Variants in ARB2A observed in about 807,000 individuals in gnomAD.
The protein encoded by ARB2A is cotranscriptional regulator ARB2A.
At chr5:93,657,526 G>A in the ARB2A span, among the ~76,000 whole-genome samples, 3 of 152,158 alleles carry the variant, frequency 2.0e-5, no homozygotes, top group Admixed American at 6.5e-5. Context: ...GTACAATGCT[G>A]TCCTGAAGAA....
the ARB2A span, among the ~76,000 whole-genome samples, chr5:94,075,979 G>T: frequency 6.6e-6 from 1 of 152,098 alleles, no homozygotes. Flanking sequence ...AAATGGAAAT[G>T]ATAATCATGT....
At chr5:93,852,826 G>A in the ARB2A span, among the ~76,000 whole-genome samples, 1 of 152,028 alleles carries the variant, frequency 6.6e-6, no homozygotes, top group African/African-American at 2.4e-5. Flanking sequence ...CTCTGTTTTG[G>A]TACCAGTACC....
chr5:94,110,091 C>T, the ARB2A span, among the ~76,000 whole-genome samples: 1 of 152,084 alleles, frequency 6.6e-6, no homozygotes, highest in Non-Finnish European at 1.5e-5. Flanking sequence ...CACCGTGTTG[C>T]CCAGGCTGGT....
At chr5:94,034,089 T>C in the ARB2A span, among the ~76,000 whole-genome samples, 1 of 152,220 alleles carries the variant, frequency 6.6e-6, no homozygotes, top group South Asian at 2.1e-4. Context: ...CAGATGCCAG[T>C]GTTATGCTTC....
At chr5:93,904,954 C>T in the ARB2A span, among the ~76,000 whole-genome samples, 119 of 151,652 alleles carry the variant, frequency 7.8e-4, no homozygotes, top group African/African-American at 2.8e-3. Flanking sequence ...GCAAATATAC[C>T]AGGTAAGATA....
the ARB2A span, among the ~76,000 whole-genome samples, chr5:93,846,888 G>A: frequency 2.0e-5 from 3 of 152,024 alleles, no homozygotes; most frequent in African/African-American, 4.8e-5. Context: ...ATAAGACAAC[G>A]ATATTTGCCT....
the ARB2A span, among the ~76,000 whole-genome samples, chr5:94,057,644 T>C: frequency 6.6e-5 from 10 of 152,250 alleles, no homozygotes; most frequent in Non-Finnish European, 1.5e-4. Flanking sequence ...ATTGGAATTC[T>C]ACTTCTGGCC....
chr5:93,819,224 T>C, the ARB2A span, among the ~76,000 whole-genome samples: 4 of 151,926 alleles, frequency 2.6e-5, no homozygotes, highest in South Asian at 8.3e-4. Flanking sequence ...CTCTATATGT[T>C]AGTCAACTAA....
chr5:93,985,250 C>A, the ARB2A span, among the ~76,000 whole-genome samples: 1 of 152,126 alleles, frequency 6.6e-6, no homozygotes, highest in African/African-American at 2.4e-5. Flanking sequence ...TGTCTTCATT[C>A]TTTTTTACTA....
the ARB2A span, among the ~76,000 whole-genome samples, chr5:93,718,541 T>A: frequency 6.6e-6 from 1 of 152,158 alleles, no homozygotes; most frequent in Non-Finnish European, 1.5e-5. Context: ...ATACAAATCA[T>A]AATGTAATGT....
the ARB2A span, among the ~76,000 whole-genome samples, chr5:93,932,945 A>G: frequency 6.6e-6 from 1 of 152,238 alleles, no homozygotes; most frequent in Non-Finnish European, 1.5e-5. Context: ...GAACTTAAAC[A>G]AATTTACAAG....
the ARB2A span, among the ~76,000 whole-genome samples, chr5:94,104,019 G>GA: frequency 1.3e-5 from 2 of 150,438 alleles, no homozygotes; most frequent in Non-Finnish European, 3.0e-5. Context: ...GTCTTCAAAG[G>GA]AAAGTATATA....
At chr5:94,045,509 T>C in the ARB2A span, among the ~76,000 whole-genome samples, 2 of 152,198 alleles carry the variant, frequency 1.3e-5, no homozygotes, top group Non-Finnish European at 2.9e-5. Flanking sequence ...ATGAAACTTC[T>C]AGCTCTTAAA....
At chr5:93,708,977 T>C in the ARB2A span, among the ~76,000 whole-genome samples, 1 of 152,094 alleles carries the variant, frequency 6.6e-6, no homozygotes, top group Non-Finnish European at 1.5e-5. Context: ...AACTACTGTA[T>C]TATATATTTG....
chr5:93,747,454 T>C, the ARB2A span, among the ~76,000 whole-genome samples: 1 of 152,012 alleles, frequency 6.6e-6, no homozygotes, highest in Non-Finnish European at 1.5e-5. Flanking sequence ...GCAATGACCA[T>C]GGAAAATTCA....
chr5:93,760,580 A>C, the ARB2A span, among the ~76,000 whole-genome samples: 34 of 152,184 alleles, frequency 2.2e-4, 1 homozygote, highest in African/African-American at 8.0e-4. Context: ...CAGAATAGAG[A>C]ACACAGAAAT....
At chr5:94,107,125 T>C in the ARB2A span, among the ~76,000 whole-genome samples, 13,965 of 152,152 alleles carry the variant, frequency 0.092, 790 homozygotes, top group Middle Eastern at 0.16. Flanking sequence ...AATTTCCAAG[T>C]AAAACATAAA....
At chr5:94,110,173 C>CCGCG in the ARB2A span, among the ~76,000 whole-genome samples, 1 of 152,198 alleles carries the variant, frequency 6.6e-6, no homozygotes, top group Non-Finnish European at 1.5e-5. Context: ...GCGTGAGCCA[C>CCGCG]CGCGCCCTGC....
the ARB2A span, among the ~76,000 whole-genome samples, chr5:94,097,227 G>A: frequency 1.5e-4 from 23 of 152,268 alleles, no homozygotes; most frequent in East Asian, 7.7e-4. Flanking sequence ...TTCCCACCCC[G>A]TCTGCCAGCC....
Sources: gnomAD v4.1 joint callset for allele counts (sites outside exome capture counted in the v4.1 genomes callset) on GRCh38, gnomAD v4.1.1 for gene constraint, MANE v1.5 for transcripts, NCBI Gene and HGNC (gene_info 2026-07-23, HGNC 2026-07-21) for gene names.